The following PRDM1 variants were observed in gnomAD, a reference collection of about 807,000 sequenced individuals.
PRDM1 encodes PR/SET domain 1.
PRDM1 carries 13 observed loss-of-function variants against 62.8 expected under a neutral mutation model. That is an observed-to-expected ratio of 0.21 (90% CI 0.13 to 0.33). The LOEUF (loss-of-function observed/expected upper bound fraction) is 0.33, where lower values mean the gene tolerates loss of function less well. PRDM1 is among the 10% of genes least tolerant of loss of function. The probability of loss-of-function intolerance (pLI) is 1.00; values close to 1 mark genes in which losing one functional copy is unlikely to be tolerated. For missense variants in PRDM1, 895 were observed against 1,058.8 expected (o/e 0.85, Z 2.15); for synonymous variants, 396 against 417.6 (o/e 0.95, Z 0.63).
chr6:106,098,322 T>TATAGTTTCAGTAAGAGTGTACGTTTTA, intron 3 of PRDM1: 1 of 985,308 alleles, frequency 1.0e-6, no homozygotes, highest in East Asian at 1.1e-4. Flanking sequence ...GGAGTGTGTT[T>TATAGTTTCAGTAAGAGTGTACGTTTTA]ATAGTTTCAG....
rs1772317750 is a variant in PRDM1, at chr6:105,994,154, G to T, written c.-67+515G>T. ...GGGAGGCGAAGAGCCCGCGCTGCTG[G>T]GCTGGGCTCGGGTGCCGCGCTGGGG... On this transcript the variant is annotated intron_variant, in intron 1 of 6. Transcript: ENST00000652320. The surrounding 1 kb of genome is among the most constrained non-coding windows in gnomAD (Gnocchi z 4.1). 6.6e-6 allele frequency among the ~76,000 whole-genome samples: 1 copy of T among 151,692 alleles called. No homozygotes were observed. Among genetic ancestry groups the T allele is most frequent in the African/African-American group, 2.4e-5 (1 of 41,256 alleles).
chr6:106,075,336 A>C (rs1773589779), intron 1 of PRDM1, among the ~76,000 whole-genome samples: 1 of 152,212 alleles, frequency 6.6e-6, no homozygotes, highest in South Asian at 2.1e-4. Context: ...TGGGAGCTGA[A>C]GTAATATTTT....
At chr6:106,043,392 T>G (rs1773030022) in intron 1 of PRDM1, among the ~76,000 whole-genome samples, 1 of 152,238 alleles carries the variant, frequency 6.6e-6, no homozygotes, top group Non-Finnish European at 1.5e-5. Flanking sequence ...GCACAGTGCC[T>G]GGCATGTAGA....
In PRDM1 at chr6:106,099,413, G is replaced by C. The variant is rs142437241; in HGVS notation, c.525G>C (p.Ala175=). 9 of 1,614,202 alleles carry C rather than the reference G, an allele frequency of 5.6e-6. No individual in the cohort carries two copies. The highest frequency in any genetic ancestry group is 7.6e-6 in the Non-Finnish European group (9 of 1,180,036). Residue 175 remains alanine (A), a synonymous_variant, in exon 4 of 7, where the codon GCG becomes GCC. Transcript: ENST00000369096. The part of the protein sequence containing the change: ...AHSPREQNLA[A]CQNGMNIYFY... ...CTCCCCGGGAGCAAAACCTGGCTGC[G>C]TGTCAGAACGGGATGAACATCTACT...
chr6:106,049,036 G>A (rs1458335777), intron 1 of PRDM1, among the ~76,000 whole-genome samples: 3 of 152,006 alleles, frequency 2.0e-5, no homozygotes, highest in Admixed American at 1.3e-4. Context: ...GGCTGGTCTC[G>A]AACTCCTGGC....
chr6:106,054,045 G>C (rs1336143726), intron 1 of PRDM1, among the ~76,000 whole-genome samples: 1 of 151,708 alleles, frequency 6.6e-6, no homozygotes, highest in Admixed American at 6.6e-5. Flanking sequence ...TTTTCATGGA[G>C]ACTAGATTCG....
chr6:106,041,855 T>C (rs1284738389), intron 1 of PRDM1, among the ~76,000 whole-genome samples: 1 of 148,848 alleles, frequency 6.7e-6, no homozygotes, highest in Non-Finnish European at 1.5e-5. Flanking sequence ...TCACTCAGGC[T>C]GGAGTATAAT....
intron 4 of PRDM1, among the ~76,000 whole-genome samples, chr6:106,103,604 T>C (rs1774339178): frequency 6.6e-6 from 1 of 152,170 alleles, no homozygotes; most frequent in Admixed American, 6.5e-5. Flanking sequence ...GCAGGGAATT[T>C]TCAGTTTTCC....
intron 1 of PRDM1, among the ~76,000 whole-genome samples, chr6:106,032,940 G>A (rs1379165722): frequency 1.3e-5 from 2 of 151,936 alleles, no homozygotes; most frequent in Non-Finnish European, 2.9e-5. Context: ...GTTGTGTCTG[G>A]CACTGCACTA....
chr6:106,053,628 C>A (rs948347919), intron 1 of PRDM1, among the ~76,000 whole-genome samples: 17 of 151,856 alleles, frequency 1.1e-4, no homozygotes, highest in South Asian at 1.0e-3. Flanking sequence ...TTATTGGCAC[C>A]CAAGGACTCT....
chr6:106,051,789 G>A (rs1240848318), intron 1 of PRDM1, among the ~76,000 whole-genome samples: 2 of 152,134 alleles, frequency 1.3e-5, no homozygotes, highest in African/African-American at 4.8e-5. Context: ...TGAGTGGATG[G>A]CCTATGAAGT....
chr6:106,048,369 A>C (rs917806601), upstream of PRDM1, among the ~76,000 whole-genome samples: 2 of 152,096 alleles, frequency 1.3e-5, no homozygotes, highest in African/African-American at 4.8e-5. Flanking sequence ...CCTGGGCAAC[A>C]GAGACAGTGT....
rs1774634495 is a variant in PRDM1, at chr6:106,109,721, A to G, written c.*2235A>G. On this transcript the variant is annotated 3_prime_UTR_variant, in exon 7 of 7. Transcript: ENST00000369096. ...AGACTTCTTGCTTCTCTCACCATCCATCCTTCTCTTTTCTGCCTCTTACAT... is the reference window on the plus strand; with the variant it reads ...AGACTTCTTGCTTCTCTCACCATCCGTCCTTCTCTTTTCTGCCTCTTACAT... The G allele has an allele frequency of 4.3e-6, 1 of 233,132 alleles. No individual in the cohort carries two copies. Among genetic ancestry groups the G allele is most frequent in the Non-Finnish European group, 8.5e-6 (1 of 117,692 alleles). 14.4% of individuals were successfully genotyped at this position (233,132 alleles called of 1,614,324 possible). A position where few individuals can be genotyped will look rare whatever the true frequency, so the allele number is the denominator to read the frequency against.
intron 1 of PRDM1, among the ~76,000 whole-genome samples, chr6:106,008,626 G>A (rs1312361376): frequency 6.6e-6 from 1 of 152,124 alleles, no homozygotes; most frequent in Non-Finnish European, 1.5e-5. Context: ...TTCTCTCCCA[G>A]GACAGGCAGG....
upstream of PRDM1, among the ~76,000 whole-genome samples, chr6:106,048,045 T>G (rs1047810247): frequency 3.3e-5 from 5 of 152,176 alleles, no homozygotes; most frequent in Non-Finnish European, 7.3e-5. Context: ...TTATTTGGTA[T>G]GAATGACTAG....
At chr6:106,067,829 CT>C (rs1773456429) in intron 1 of PRDM1, among the ~76,000 whole-genome samples, 1 of 152,130 alleles carries the variant, frequency 6.6e-6, no homozygotes, top group African/African-American at 2.4e-5. Context: ...GTAATTAATA[CT>C]ACTGAGTCGT....
intron 2 of PRDM1, among the ~76,000 whole-genome samples, chr6:106,095,054 A>AC (rs1554203879): frequency 3.7e-4 from 56 of 149,912 alleles, no homozygotes; most frequent in South Asian, 1.9e-3. Context: ...AAAAAAAAAA[A>AC]ACACACACAC....
chr6:106,080,311 A>G (rs1412316641), intron 1 of PRDM1, among the ~76,000 whole-genome samples: 1 of 152,166 alleles, frequency 6.6e-6, no homozygotes, highest in African/African-American at 2.4e-5. Context: ...CAGTTTAATC[A>G]CTGATGTGCC....
Position 106,027,717 on chromosome 6 carries a change from A to C in PRDM1, c.-67+34078A>C, listed in dbSNP as rs185854211. ...AGTATTGAATAATGTATATTCTTCTATTCTAAGCAGTTTTGATTTCATCAC... is the reference window on the plus strand; with the variant it reads ...AGTATTGAATAATGTATATTCTTCTCTTCTAAGCAGTTTTGATTTCATCAC... On this transcript the variant is annotated intron_variant, in intron 1 of 6. Transcript: ENST00000652320. Among the ~76,000 whole-genome samples the C allele has an allele frequency of 2.0e-4, 30 of 152,366 alleles. No homozygotes were observed. In the East Asian group the frequency reaches 5.8e-3, roughly 29 times the overall value.
Sources: gnomAD v4.1 joint callset for allele counts (sites outside exome capture counted in the v4.1 genomes callset) on GRCh38, gnomAD v4.1.1 for gene constraint, Gnocchi (gnomAD v3.1) non-coding constraint, MANE v1.5 for transcripts, NCBI Gene and HGNC (gene_info 2026-07-23, HGNC 2026-07-21) for gene names.